Variants in CCDC39 observed in about 807,000 individuals in gnomAD.
CCDC39 encodes coiled-coil domain 39 molecular ruler complex subunit, also known as coiled-coil domain-containing protein 39.
CCDC39 carries 113 observed loss-of-function variants against 121.0 expected under a neutral mutation model. The observed-to-expected ratio is 0.93, with a 90% CI of 0.80 to 1.09. CCDC39 has a LOEUF of 1.09. Ranked by LOEUF, CCDC39 falls within the 50% of genes least tolerant of loss-of-function variation. The pLI is 0.00. For missense variants in CCDC39, 1,063 were observed against 1,074.7 expected, an observed-to-expected ratio of 0.99 and a Z score of 0.15; for synonymous variants, 349 against 352.2, an observed-to-expected ratio of 0.99 and a Z score of 0.10.
chr3:180,640,535 T>G (rs73051765), intron 13 of CCDC39, among the ~76,000 whole-genome samples: 162 of 152,158 alleles, frequency 1.1e-3, no homozygotes, highest in African/African-American at 3.8e-3. Flanking sequence ...ACTGATTAAC[T>G]TGTGGTGAGA....
chr3:180,656,925 A>T (rs1185667702), intron 6 of CCDC39, among the ~76,000 whole-genome samples: 1 of 152,202 alleles, frequency 6.6e-6, no homozygotes, highest in Non-Finnish European at 1.5e-5. Flanking sequence ...CTTGTTTAGC[A>T]TATAATCAAG....
In CCDC39 at chr3:180,661,970, T is replaced by G; in HGVS notation, c.248A>C (p.Glu83Ala). Residue 83 changes from glutamate to alanine, a missense_variant, in exon 3 of 20, where the codon GAA becomes GCA. Coordinates refer to ENST00000476379, the MANE Select transcript of CCDC39 (RefSeq NM_181426.2). The stretch of plus-strand genomic sequence containing the variant: ...TTGAGCAATGGCCTTAAAATGTTCT[T>G]CACTTTCAGTCTCACGCTCCCTTGC... ...CKARERETES[E>A]EHFKAIAQRE... 1 of 1,556,684 alleles carries G rather than the reference T, an allele frequency of 6.4e-7. No individual in the cohort carries two copies. Among genetic ancestry groups the G allele is most frequent in the Non-Finnish European group, 8.7e-7 (1 of 1,149,036 alleles).
At chr3:180,616,186 GC>G in intron 19 of CCDC39, 94 bp downstream of exon 19, 1 of 985,244 alleles carries the variant, frequency 1.0e-6, no homozygotes, top group Admixed American at 1.9e-5. Flanking sequence ...GAGTGCATGG[GC>G]CTGCCTAACA....
intron 6 of CCDC39, among the ~76,000 whole-genome samples, chr3:180,656,780 T>A (rs1340525929): frequency 6.6e-6 from 1 of 152,206 alleles, no homozygotes; most frequent in Admixed American, 6.5e-5. Flanking sequence ...TTTCACTGCT[T>A]ATTATATGCT....
chr3:180,658,497 T>G (rs548624305), intron 6 of CCDC39, among the ~76,000 whole-genome samples: 1 of 151,458 alleles, frequency 6.6e-6, no homozygotes, highest in East Asian at 2.0e-4. Context: ...ACTCGGAGGC[T>G]GAGGCAGGAG....
Position 180,642,992 on chromosome 3 carries a change from C to A in CCDC39, c.1666-791G>T, listed in dbSNP as rs1056775388. 3.4e-5 allele frequency among the ~76,000 whole-genome samples: 5 copies of A among 148,466 alleles called. No homozygotes were observed. In the Admixed American group the frequency reaches 3.4e-4, roughly 10 times the overall value. Reference sequence around the variant, plus strand: ...TTTTTTTTTTTGAGACGGAGTCTTACTCTGTCGCCCAGGCTGGAGCGCAGT... The same window carrying A: ...TTTTTTTTTTTGAGACGGAGTCTTAATCTGTCGCCCAGGCTGGAGCGCAGT... On this transcript the variant is annotated intron_variant, in intron 12 of 19. Coordinates refer to ENST00000476379, the MANE Select transcript of CCDC39 (RefSeq NM_181426.2).
chr3:180,667,048 T>A (rs570223200), intron 1 of CCDC39, among the ~76,000 whole-genome samples: 14 of 152,150 alleles, frequency 9.2e-5, no homozygotes, highest in East Asian at 7.7e-4. Context: ...AGTTTTTTTT[T>A]AAAAAAGGTA....
chr3:180,676,392 A>G (rs1165722264), intron 1 of CCDC39, among the ~76,000 whole-genome samples: 1 of 152,258 alleles, frequency 6.6e-6, no homozygotes, highest in Non-Finnish European at 1.5e-5. Flanking sequence ...ACATGAAAAA[A>G]TGCTCATCAT....
intron 12 of CCDC39, 66 bp downstream of exon 12, chr3:180,644,054 C>T: frequency 4.2e-6 from 5 of 1,194,678 alleles, no homozygotes; most frequent in Admixed American, 5.7e-5. Context: ...TATATTTTTT[C>T]ATTTGTCTAC....
chr3:180,631,504 C>T lies in CCDC39; in HGVS notation c.1963G>A (p.Glu655Lys). 1.2e-6 allele frequency: 2 copies of T among 1,607,786 alleles called. No individual in the cohort carries two copies. Among genetic ancestry groups the T allele is most frequent in the East Asian group, 2.2e-5 (1 of 44,852 alleles). ...LTVVMLPPEG[E>K]EEKTQAYYVI... is the part of the protein sequence containing the mutation. ...TAATAGGCCTGTGTTTTCTCCTCTTCTCCTTCAGGAGGCAGCATAACAACA... is the reference window on the plus strand; with the variant it reads ...TAATAGGCCTGTGTTTTCTCCTCTTTTCCTTCAGGAGGCAGCATAACAACA... The change falls in exon 14 of 20, where the codon GAA (glutamate) becomes AAA (lysine). Residue 655 changes from glutamate to lysine, a missense_variant. Transcript: ENST00000476379.
chr3:180,624,665 C>T (rs1228450261), intron 14 of CCDC39, among the ~76,000 whole-genome samples: 1 of 152,090 alleles, frequency 6.6e-6, no homozygotes, highest in Non-Finnish European at 1.5e-5. Context: ...TTGAGCATTT[C>T]TTAGAGGACC....
intron 13 of CCDC39, among the ~76,000 whole-genome samples, chr3:180,635,450 C>T (rs4854982): frequency 0.13 from 19,281 of 152,150 alleles, 1,559 homozygotes; most frequent in Admixed American, 0.17. Flanking sequence ...AAGTCCCTTC[C>T]GCCTATGAGC....
chr3:180,634,452 G>A (rs562728782), intron 13 of CCDC39, among the ~76,000 whole-genome samples: 3 of 152,264 alleles, frequency 2.0e-5, no homozygotes, highest in Admixed American at 1.3e-4. Flanking sequence ...CTCATCCTGG[G>A]TTTATTGCAT....
At chr3:180,644,084 T>A (rs932967013) in intron 12 of CCDC39, 36 bp downstream of exon 12, 1 of 1,457,928 alleles carries the variant, frequency 6.9e-7, no homozygotes, top group Non-Finnish European at 9.1e-7. Flanking sequence ...GGAAACATGG[T>A]TTTCAATACT....
At chr3:180,641,006 A>G (rs1717941372) in intron 13 of CCDC39, among the ~76,000 whole-genome samples, 1 of 152,134 alleles carries the variant, frequency 6.6e-6, no homozygotes. Flanking sequence ...ATTTATACAC[A>G]TGAACATAGA....
In CCDC39 at chr3:180,662,729, T is replaced by A. The variant is rs186027599; in HGVS notation, c.211-722A>T. Among the ~76,000 whole-genome samples, 6 of 152,332 alleles carry A rather than the reference T, an allele frequency of 3.9e-5. No homozygotes were observed. The East Asian group carries it at 9.6e-4, about 24-fold the overall frequency. Reference sequence around the variant, plus strand: ...TTGTTCCAAATAGTTTATCAATTACTCAATCACATTGAGATTCAAGAATTC... The same window carrying A: ...TTGTTCCAAATAGTTTATCAATTACACAATCACATTGAGATTCAAGAATTC... On this transcript the variant is annotated intron_variant, in intron 2 of 19. Coordinates refer to ENST00000476379, the MANE Select transcript of CCDC39 (RefSeq NM_181426.2).
chr3:180,616,304 A>C lies in CCDC39; in HGVS notation c.2646T>G (p.Pro882=). 1 of 1,613,404 alleles carries C rather than the reference A, an allele frequency of 6.2e-7. No individual in the cohort carries two copies. Among genetic ancestry groups the C allele is most frequent in the Middle Eastern group, 1.7e-4 (1 of 6,054 alleles). Residue 882 remains proline, a synonymous_variant, in exon 19 of 20, where the codon CCT becomes CCG. Transcript: ENST00000476379. Reference sequence around the variant, plus strand: ...ACCTTGCTGATAGTGAAGTATGTGAAGGAGATCTAGAGCTCTGACGACTGC... The same window carrying C: ...ACCTTGCTGATAGTGAAGTATGTGACGGAGATCTAGAGCTCTGACGACTGC... The part of the protein sequence containing the change: ...TKGSRQSSRS[P]SHTSLSARSS...
chr3:180,615,558 T>G (rs1411092690), intron 19 of CCDC39, among the ~76,000 whole-genome samples: 1 of 152,160 alleles, frequency 6.6e-6, no homozygotes, highest in Non-Finnish European at 1.5e-5. Flanking sequence ...ATATATTTTA[T>G]GAAAGTACAG....
At chr3:180,641,070 T>A (rs1717942502) in intron 13 of CCDC39, among the ~76,000 whole-genome samples, 1 of 152,038 alleles carries the variant, frequency 6.6e-6, no homozygotes, top group Admixed American at 6.6e-5. Context: ...ATGCAAAAGA[T>A]AATATGTAAC....
Sources: allele counts gnomAD v4.1 joint callset (sites outside exome capture counted in the v4.1 genomes callset), GRCh38; gene constraint gnomAD v4.1.1; transcripts MANE v1.5; gene names NCBI Gene and HGNC (gene_info 2026-07-23, HGNC 2026-07-21).